The following SLMAP variants were observed in gnomAD, a reference collection of about 807,000 sequenced individuals.
SLMAP encodes the protein sarcolemma associated protein.
A neutral mutation model predicts 128.8 loss-of-function variants in SLMAP; 44 were observed. The observed-to-expected ratio is 0.34, with a 90% CI of 0.27 to 0.44. SLMAP has a LOEUF of 0.44. SLMAP is among the 20% of genes least tolerant of loss of function. The pLI is 1.00. For synonymous variants in SLMAP, 327 were observed against 348.8 expected, an observed-to-expected ratio of 0.94 and a Z score of 0.70; for missense variants, 787 against 985.3, an observed-to-expected ratio of 0.80 and a Z score of 2.69.
chr3:57,832,630 T>C (rs977204185), intron 3 of SLMAP, among the ~76,000 whole-genome samples: 13 of 152,176 alleles, frequency 8.5e-5, no homozygotes, highest in African/African-American at 3.1e-4. Flanking sequence ...TCTGATCTGG[T>C]GATACTGGTC....
intron 2 of SLMAP, among the ~76,000 whole-genome samples, chr3:57,778,055 T>C (rs549859913): frequency 6.6e-6 from 1 of 152,352 alleles, no homozygotes; most frequent in African/African-American, 2.4e-5. Context: ...TTTGTATCTC[T>C]GTTCATGAAG....
chr3:57,918,211 A>G (rs1330540011), intron 22 of SLMAP: 1 of 152,220 alleles, frequency 6.6e-6, no homozygotes, highest in Non-Finnish European at 1.5e-5. Context: ...ATATCTTAGT[A>G]TTTAATACTG....
intron 21 of SLMAP, among the ~76,000 whole-genome samples, chr3:57,916,020 G>A (rs1347672158): frequency 1.3e-5 from 2 of 152,058 alleles, no homozygotes; most frequent in African/African-American, 2.4e-5. Context: ...GCCAGGCATG[G>A]TGGCGCATGC....
chr3:57,927,233 G>C (rs1160501953), intron 24 of SLMAP, 63 bp from the exon 25 acceptor site: 2 of 990,686 alleles, frequency 2.0e-6, no homozygotes, highest in Non-Finnish European at 3.1e-6. Context: ...GGAACCAAGG[G>C]GTTAATAGGT....
In SLMAP at chr3:57,864,619, A is replaced by G; in HGVS notation, c.1038A>G (p.Ile346Met). 6.3e-7 allele frequency: 1 copy of G among 1,596,936 alleles called. No homozygotes were observed. Among genetic ancestry groups the G allele is most frequent in the Non-Finnish European group, 8.5e-7 (1 of 1,175,130 alleles). ...AGAAAAAAGAATTACAACATAAAATAGATGAAATGGAAGAAAAAGAACAGG... is the reference window on the plus strand; with the variant it reads ...AGAAAAAAGAATTACAACATAAAATGGATGAAATGGAAGAAAAAGAACAGG... ...QAEKKELQHKIDEMEEKEQEL... is the reference protein window; with the variant it reads ...QAEKKELQHKMDEMEEKEQEL... The change falls in exon 11 of 25, where the codon ATA becomes ATG. Residue 346 changes from isoleucine (I) to methionine (M), a missense_variant. By Grantham distance (10) the Ile-to-Met change is conservative. Transcript: ENST00000671191.
At chr3:57,844,818 G>A in intron 4 of SLMAP, among the ~76,000 whole-genome samples, 1 of 149,456 alleles carries the variant, frequency 6.7e-6, no homozygotes. Flanking sequence ...AGGTTCAAGT[G>A]ATTCTCCTGC....
Position 57,838,936 on chromosome 3 carries a change from A to G in SLMAP, c.347-2363A>G, listed in dbSNP as rs189799489. On this transcript the variant is annotated intron_variant, in intron 3 of 24. Transcript: ENST00000671191. ...CTGGGCAGAGTTTAGAAGACTGCCA[A>G]TAGATGGTTCTGTTTTTTATTGTTG... Among the ~76,000 whole-genome samples, 1,045 of 152,218 alleles carry G rather than the reference A, an allele frequency of 6.9e-3. 4 individuals carry two copies. Among genetic ancestry groups the G allele is most frequent in the Non-Finnish European group, 9.5e-3 (648 of 67,986 alleles).
chr3:57,868,015 C>T (rs1342965155), intron 13 of SLMAP, among the ~76,000 whole-genome samples: 2 of 152,106 alleles, frequency 1.3e-5, no homozygotes, highest in Non-Finnish European at 2.9e-5. Flanking sequence ...AATCCCAGCA[C>T]TTTGGGAGGC....
intron 22 of SLMAP, among the ~76,000 whole-genome samples, chr3:57,921,000 G>A (rs910159097): frequency 9.2e-5 from 14 of 151,850 alleles, no homozygotes; most frequent in African/African-American, 3.4e-4. Context: ...CTGGGTGACA[G>A]AGTGAGACTC....
At chr3:57,834,855 C>G (rs1457493639) in intron 3 of SLMAP, among the ~76,000 whole-genome samples, 1 of 152,058 alleles carries the variant, frequency 6.6e-6, no homozygotes, top group African/African-American at 2.4e-5. Context: ...GGCATAGTGG[C>G]TCATGCCTGT....
intron 2 of SLMAP, among the ~76,000 whole-genome samples, chr3:57,786,441 A>G (rs1344885234): frequency 6.6e-6 from 1 of 151,990 alleles, no homozygotes; most frequent in Non-Finnish European, 1.5e-5. Flanking sequence ...GCAATTGGTT[A>G]GGGAAGTATA....
intron 2 of SLMAP, among the ~76,000 whole-genome samples, chr3:57,787,943 T>G (rs1009832107): frequency 3.6e-4 from 55 of 152,300 alleles, no homozygotes; most frequent in African/African-American, 1.3e-3. Context: ...AGTCAAATGA[T>G]CCGCAGTTGA....
intron 14 of SLMAP, among the ~76,000 whole-genome samples, chr3:57,886,422 T>C (rs919637237): frequency 1.3e-5 from 2 of 152,126 alleles, no homozygotes; most frequent in Non-Finnish European, 2.9e-5. Flanking sequence ...TTTGAAGTTT[T>C]ATGGATGAAG....
chr3:57,886,106 ATTT>A (rs112191414), intron 14 of SLMAP, among the ~76,000 whole-genome samples: 1 of 129,984 alleles, frequency 7.7e-6, no homozygotes, highest in Non-Finnish European at 1.7e-5. Context: ...TAAAGATATA[ATTT>A]TTTTTTTTTT....
rs371720536 is a variant in SLMAP at position 57,797,558 on chromosome 3, C to G, written c.199-33825C>G. Among the ~76,000 whole-genome samples the G allele has an allele frequency of 1.7e-4, 26 of 151,072 alleles. No homozygotes were observed. The South Asian group carries it at 5.4e-3, about 31-fold the overall frequency. On this transcript the variant is annotated intron_variant, in intron 2 of 24. Coordinates refer to ENST00000671191, the MANE Select transcript of SLMAP (RefSeq NM_001377540.1). The stretch of plus-strand genomic sequence containing the variant: ...AATGCATATAAAGCAATATGTTAAA[C>G]TGTTGATGTGGTTATTCTTGGAAGC...
intron 22 of SLMAP, among the ~76,000 whole-genome samples, chr3:57,919,780 A>G (rs1387523738): frequency 6.6e-6 from 1 of 151,448 alleles, no homozygotes; most frequent in Non-Finnish European, 1.5e-5. Flanking sequence ...AGGCAACAAG[A>G]GCGAAACTCC....
At chr3:57,912,076 C>A (rs1188254096) in intron 19 of SLMAP, among the ~76,000 whole-genome samples, 1 of 151,718 alleles carries the variant, frequency 6.6e-6, no homozygotes, top group Non-Finnish European at 1.5e-5. Flanking sequence ...GGATAGGGAA[C>A]ACTGCATTTA....
chr3:57,780,051 GAACAT>G, intron 2 of SLMAP, among the ~76,000 whole-genome samples: 1 of 151,442 alleles, frequency 6.6e-6, no homozygotes, highest in Middle Eastern at 3.4e-3. Flanking sequence ...AGGAATGTAA[GAACAT>G]AACCTCCCTA....
chr3:57,912,504 C>T lies in SLMAP; in HGVS notation c.1823C>T (p.Ala608Val), dbSNP rs757443483. Residue 608 changes from alanine (A) to valine (V), a missense_variant, in exon 20 of 25, where the codon GCA becomes GTA. Around this residue, in one of 2 missense-constraint regions of SLMAP, gnomAD observed 715 missense variants for 843.6 expected, o/e 0.85. Coordinates refer to ENST00000671191, the MANE Select transcript of SLMAP (RefSeq NM_001377540.1). ...GAAATTTTGCTCCTTCATCAAGCAGCAGCAAAGGTTGCCTCTGAGCGGGAC... is the reference window on the plus strand; with the variant it reads ...GAAATTTTGCTCCTTCATCAAGCAGTAGCAAAGGTTGCCTCTGAGCGGGAC... ...RDEILLLHQA[A>V]AKVASERDTD... 5.0e-6 allele frequency: 8 copies of T among 1,614,036 alleles called. No homozygotes were observed. In the South Asian group the frequency reaches 8.8e-5, roughly 18 times the overall value.
Sources: gnomAD v4.1 joint callset for allele counts (sites outside exome capture counted in the v4.1 genomes callset) on GRCh38, gnomAD v4.1.1 for gene constraint, gnomAD v4.1.1 regional missense constraint, MANE v1.5 for transcripts, NCBI Gene and HGNC (gene_info 2026-07-23, HGNC 2026-07-21) for gene names.